The following FANCA variants were observed in gnomAD, a reference collection of about 807,000 sequenced individuals.
FANCA encodes the protein FA complementation group A, also known as Fanconi anemia group A protein.
In FANCA, 236 loss-of-function variants were observed where a neutral mutation model predicts 194.3. The ratio of observed to expected loss-of-function variants is 1.21; its 90% CI spans 1.09 to 1.35. The LOEUF is 1.35. FANCA is among the 40% of genes most tolerant of loss of function. The pLI is 0.00. For synonymous variants in FANCA, 1,014 were observed against 715.8 expected (o/e 1.42, Z -6.65); for missense variants, 2,628 against 1,813.9 (o/e 1.45, Z -8.15).
chr16:89,784,421 TAAA>T (rs59766959), intron 15 of FANCA, among the ~76,000 whole-genome samples: 4 of 118,294 alleles, frequency 3.4e-5, no homozygotes. Flanking sequence ...CACATGAAAT[TAAA>T]AAAAAAAAAA....
At chr16:89,792,162 C>T in intron 12 of FANCA, 94 bp from the exon 13 acceptor site, 1 of 1,437,594 alleles carries the variant, frequency 7.0e-7, no homozygotes, top group Non-Finnish European at 9.8e-7. Flanking sequence ...GCCACCGCAG[C>T]CCCCTCACTT....
intron 27 of FANCA, among the ~76,000 whole-genome samples, 160 bp downstream of exon 27, chr16:89,766,981 G>C (rs748305558): frequency 4.0e-5 from 6 of 151,762 alleles, no homozygotes; most frequent in Admixed American, 3.9e-4. Context: ...GGCCATGACA[G>C]CCAGCCTGAC....
At chr16:89,771,162 A>G (rs964598539) in intron 23 of FANCA, among the ~76,000 whole-genome samples, 1 of 151,520 alleles carries the variant, frequency 6.6e-6, no homozygotes, top group African/African-American at 2.4e-5. Flanking sequence ...AGTCAAAAAA[A>G]AAAAAAAAAA....
At chr16:89,750,000 G>C in intron 31 of FANCA, 98 bp from the exon 32 acceptor site, 1 of 1,250,702 alleles carries the variant, frequency 8.0e-7, no homozygotes, top group Non-Finnish European at 1.2e-6. Context: ...GGTCTCCACA[G>C]TGGACAGGGC....
At chr16:89,778,161 C>CAAA (rs35361961) in intron 20 of FANCA, among the ~76,000 whole-genome samples, 3,285 of 47,898 alleles carry the variant, frequency 0.069, 210 homozygotes, top group East Asian at 0.26. Flanking sequence ...GACTTCATCT[C>CAAA]AAAAAAAAAA....
At position 89,792,495 on chromosome 16, in the gene FANCA, A is replaced by T. The variant is rs563820871; in HGVS notation, c.1059T>A (p.Pro353=). The change falls in exon 12 of 43, where the codon CCT becomes CCA. Residue 353 remains proline (P), a synonymous_variant. Coordinates refer to ENST00000389301, the MANE Select transcript of FANCA (RefSeq NM_000135.4). ...CCCTGCGGTACAGTGAGGTGAGCAG[A>T]GGGTGTGTCCGCGCAAAGCTCCACT... is the stretch of plus-strand genomic sequence containing the variant. ...QREWSFARTH[P]LLTSLYRRLF... 1.9e-5 allele frequency: 30 copies of T among 1,613,494 alleles called. No homozygotes were observed. Among genetic ancestry groups the T allele is most frequent in the Non-Finnish European group, 2.5e-5 (30 of 1,180,008 alleles).
chr16:89,776,076 G>T (rs1171468329), intron 20 of FANCA, among the ~76,000 whole-genome samples: 2 of 150,900 alleles, frequency 1.3e-5, no homozygotes, highest in Non-Finnish European at 2.9e-5. Flanking sequence ...GATTATCCCT[G>T]GGCAGTGAAA....
At position 89,814,558 on chromosome 16, in the gene FANCA, C is replaced by A; in HGVS notation, c.245G>T (p.Ser82Ile). 6.2e-7 allele frequency: 1 copy of A among 1,613,956 alleles called. No individual in the cohort carries two copies. The highest frequency in any genetic ancestry group is 8.5e-7 in the Non-Finnish European group (1 of 1,179,808). ...AGAATGATTAGCATAGGCCTCAGAA[C>A]TGTCACAGTCAATCACTTTGCTGAG... Reference protein sequence around the residue: ...LSLSKVIDCDSSEAYANHSSS... With the variant: ...LSLSKVIDCDISEAYANHSSS... Residue 82 changes from serine (S) to isoleucine (I), a missense_variant, in exon 3 of 43, where the codon AGT becomes ATT. Physicochemically the swap from Ser to Ile is moderately radical, Grantham distance 142 (BLOSUM62 -2). Transcript: ENST00000389301.
chr16:89,803,264 G>T lies in FANCA; in HGVS notation c.787C>A (p.Pro263Thr). Reference sequence around the variant, plus strand: ...CACTTGACTTTTCCTCCTACCTGCGGCATTTTTTCAGGCTCCACAGTTCTT... The same window carrying T: ...CACTTGACTTTTCCTCCTACCTGCGTCATTTTTTCAGGCTCCACAGTTCTT... The part of the protein sequence containing the change: ...LRRTVEPEKM[P>T]QVTVDVLQRM... Residue 263 changes from proline to threonine, a missense_variant, in exon 8 of 43, where the codon CCG (proline) becomes ACG (threonine). Transcript: ENST00000389301. 6.2e-7 allele frequency: 1 copy of T among 1,613,782 alleles called. No individual in the cohort carries two copies. The highest frequency in any genetic ancestry group is 8.5e-7 in the Non-Finnish European group (1 of 1,179,722).
At chr16:89,768,262 G>T (rs1055570946) in intron 26 of FANCA, among the ~76,000 whole-genome samples, 1 of 152,198 alleles carries the variant, frequency 6.6e-6, no homozygotes, top group Non-Finnish European at 1.5e-5. Context: ...CAATACCCAT[G>T]TGAAAAATTC....
intron 20 of FANCA, among the ~76,000 whole-genome samples, chr16:89,777,634 T>C (rs1418873873): frequency 1.3e-5 from 2 of 152,000 alleles, no homozygotes; most frequent in African/African-American, 2.4e-5. Context: ...TTTATAAATT[T>C]TGCTGGAATA....
chr16:89,808,200 G>C, intron 6 of FANCA, 94 bp downstream of exon 6: 2 of 1,221,260 alleles, frequency 1.6e-6, no homozygotes, highest in Middle Eastern at 1.9e-4. Context: ...GTCAAAGCCA[G>C]AAATCAAACC....
intron 38 of FANCA, chr16:89,740,581 A>G: frequency 1.8e-6 from 1 of 563,734 alleles, no homozygotes; most frequent in Non-Finnish European, 3.2e-6. Flanking sequence ...GGTTGCAGTG[A>G]GCTGAGATCA....
At chr16:89,792,920 G>C (rs2040125124) in intron 11 of FANCA, among the ~76,000 whole-genome samples, 1 of 152,190 alleles carries the variant, frequency 6.6e-6, no homozygotes, top group Non-Finnish European at 1.5e-5. Context: ...TAGAGACAAA[G>C]ACAGCTTATG....
chr16:89,753,603 A>G (rs981806824), intron 30 of FANCA, among the ~76,000 whole-genome samples: 1 of 152,264 alleles, frequency 6.6e-6, no homozygotes, highest in African/African-American at 2.4e-5. Context: ...TCAATCAACC[A>G]GGAACAAAGG....
intron 18 of FANCA, 130 bp downstream of exon 18, chr16:89,779,739 G>T: frequency 2.5e-6 from 2 of 790,014 alleles, no homozygotes; most frequent in South Asian, 2.9e-5. Flanking sequence ...AGCCCCAGAC[G>T]CTGGCAGGCA....
intron 6 of FANCA, among the ~76,000 whole-genome samples, chr16:89,806,063 C>A (rs182570907): frequency 6.6e-6 from 1 of 152,208 alleles, no homozygotes; most frequent in African/African-American, 2.4e-5. Flanking sequence ...CAGGCACCTG[C>A]CACCTTGCCC....
chr16:89,761,453 C>A (rs1426607621), intron 29 of FANCA, among the ~76,000 whole-genome samples: 1 of 149,606 alleles, frequency 6.7e-6, no homozygotes, highest in African/African-American at 2.5e-5. Flanking sequence ...ACAGAAATTG[C>A]CACCGCGTGG....
At chr16:89,797,116 C>A (rs2040274730) in intron 10 of FANCA, among the ~76,000 whole-genome samples, 1 of 152,030 alleles carries the variant, frequency 6.6e-6, no homozygotes, top group Non-Finnish European at 1.5e-5. Flanking sequence ...GCAGAGATCG[C>A]ACCACTGCAC....
Sources: allele counts gnomAD v4.1 joint callset (sites outside exome capture counted in the v4.1 genomes callset), GRCh38; gene constraint gnomAD v4.1.1; transcripts MANE v1.5; gene names NCBI Gene and HGNC (gene_info 2026-07-23, HGNC 2026-07-21).